The following WWOX variants were observed in gnomAD, a reference collection of about 807,000 sequenced individuals.
WWOX encodes the protein WW domain-containing oxidoreductase.
Under a neutral mutation model 46.2 loss-of-function variants are expected in WWOX, and 69 were observed. The observed-to-expected ratio is 1.49, with a 90% CI of 1.23 to 1.82. The LOEUF (loss-of-function observed/expected upper bound fraction) is 1.82. Among genes scored for constraint, WWOX ranks in the 40% most tolerant of loss-of-function variants. The pLI, the probability that WWOX is intolerant of heterozygous loss-of-function variation, is 0.00. For synonymous variants in WWOX, 359 were observed against 202.6 expected (o/e 1.77, Z -6.56); for missense variants, 919 against 542.6 (o/e 1.69, Z -6.89).
intron 8 of WWOX, among the ~76,000 whole-genome samples, chr16:78,534,718 C>T (rs2738500): frequency 0.64 from 95,733 of 150,096 alleles, 30,867 homozygotes; most frequent in Admixed American, 0.73. Context: ...TTTTTTATTT[C>T]ATTTTATTTT....
chr16:78,675,260 T>A (rs1355938494), intron 8 of WWOX, among the ~76,000 whole-genome samples: 1 of 151,600 alleles, frequency 6.6e-6, no homozygotes, highest in Non-Finnish European at 1.5e-5. Flanking sequence ...GAAGCTGGGG[T>A]TTTAATTCAG....
At chr16:78,508,953 C>T (rs964348841) in intron 8 of WWOX, among the ~76,000 whole-genome samples, 1 of 152,202 alleles carries the variant, frequency 6.6e-6, no homozygotes, top group East Asian at 1.9e-4. Context: ...CAAAAGTATC[C>T]TCTCTAGGCA....
intron 5 of WWOX, among the ~76,000 whole-genome samples, chr16:78,299,026 C>T (rs948941974): frequency 2.0e-5 from 3 of 152,106 alleles, no homozygotes; most frequent in Non-Finnish European, 4.4e-5. Flanking sequence ...GGGTTGCAGC[C>T]AGCATTCTGG....
chr16:78,623,405 C>G (rs1041987865), intron 8 of WWOX, among the ~76,000 whole-genome samples: 10 of 152,114 alleles, frequency 6.6e-5, no homozygotes, highest in African/African-American at 2.4e-4. Context: ...TTTGGCCAGA[C>G]ACGGTGGCTC....
chr16:79,072,880 T>G (rs1030351652), intron 8 of WWOX, among the ~76,000 whole-genome samples: 2 of 152,200 alleles, frequency 1.3e-5, no homozygotes, highest in African/African-American at 2.4e-5. Context: ...CTGGCCTGAA[T>G]TTGGGCTGAG....
At chr16:78,675,532 A>G (rs376844916) in intron 8 of WWOX, among the ~76,000 whole-genome samples, 1 of 152,138 alleles carries the variant, frequency 6.6e-6, no homozygotes, top group Admixed American at 6.5e-5. Flanking sequence ...CCATTTCACA[A>G]ATATTTATTT....
intron 8 of WWOX, among the ~76,000 whole-genome samples, chr16:78,545,557 C>T (rs1233030146): frequency 2.0e-5 from 3 of 152,078 alleles, no homozygotes; most frequent in Admixed American, 1.3e-4. Context: ...TTATTTCCTT[C>T]AGATAAAATG....
intron 8 of WWOX, among the ~76,000 whole-genome samples, chr16:79,169,446 C>T (rs2050658489): frequency 6.6e-6 from 1 of 152,186 alleles, no homozygotes; most frequent in Admixed American, 6.5e-5. Context: ...CAGAGGGTCT[C>T]ACTGAGCACT....
At chr16:78,671,330 T>C (rs530452916) in intron 8 of WWOX, among the ~76,000 whole-genome samples, 1 of 152,228 alleles carries the variant, frequency 6.6e-6, no homozygotes, top group East Asian at 1.9e-4. Context: ...GAGGCTGGGA[T>C]GGAAGCATCA....
At chr16:78,256,791 C>A (rs966887419) in intron 5 of WWOX, among the ~76,000 whole-genome samples, 8 of 152,000 alleles carry the variant, frequency 5.3e-5, no homozygotes, top group Non-Finnish European at 1.0e-4. Flanking sequence ...TCAGACGCCC[C>A]CCTTTAGAAT....
intron 8 of WWOX, among the ~76,000 whole-genome samples, chr16:78,866,920 C>G (rs1253325151): frequency 6.6e-6 from 1 of 152,218 alleles, no homozygotes; most frequent in East Asian, 1.9e-4. Flanking sequence ...TTTCTTTGGT[C>G]TGAAGCTTCA....
intron 5 of WWOX, among the ~76,000 whole-genome samples, chr16:78,205,335 C>A (rs571248977): frequency 6.6e-6 from 1 of 152,144 alleles, no homozygotes; most frequent in Non-Finnish European, 1.5e-5. Context: ...AAAAACTCCA[C>A]GTATCCATAT....
In WWOX at chr16:78,629,409, C is replaced by T. The variant is rs574395945; in HGVS notation, c.1056+196657C>T. On this transcript the variant is annotated intron_variant, in intron 8 of 8. Coordinates refer to ENST00000566780, the MANE Select transcript of WWOX (RefSeq NM_016373.4). Reference sequence around the variant, plus strand: ...GATTTCTCACTGGCATCTCTGCTTCCCCTCTTGACTCTCTTGAAATCCCTT... The same window carrying T: ...GATTTCTCACTGGCATCTCTGCTTCTCCTCTTGACTCTCTTGAAATCCCTT... Among the ~76,000 whole-genome samples, 80 of 152,220 alleles carry T rather than the reference C, an allele frequency of 5.3e-4. 1 individual carries two copies. The South Asian group carries it at 0.015, about 28-fold the overall frequency.
intron 8 of WWOX, among the ~76,000 whole-genome samples, chr16:78,690,571 GA>G (rs899029983): frequency 3.3e-5 from 5 of 152,008 alleles, no homozygotes; most frequent in African/African-American, 1.2e-4. Flanking sequence ...AAAAGAAGAA[GA>G]AATGTTTATT....
intron 5 of WWOX, among the ~76,000 whole-genome samples, chr16:78,317,232 A>C (rs1376541698): frequency 6.6e-6 from 1 of 152,162 alleles, no homozygotes; most frequent in East Asian, 1.9e-4. Context: ...GGGGTGAACA[A>C]CTGCAGGAAC....
At chr16:79,093,807 C>G (rs1227143477) in intron 8 of WWOX, among the ~76,000 whole-genome samples, 1 of 152,186 alleles carries the variant, frequency 6.6e-6, no homozygotes, top group Non-Finnish European at 1.5e-5. Context: ...CCCTGCCCTT[C>G]GACACAGAGT....
At chr16:78,189,847 GT>G (rs1336131637) in intron 5 of WWOX, among the ~76,000 whole-genome samples, 5 of 152,048 alleles carry the variant, frequency 3.3e-5, no homozygotes, top group Admixed American at 1.3e-4. Context: ...TAGAGACGAG[GT>G]TTCACCATGT....
chr16:78,701,507 A>G (rs1010370424), intron 8 of WWOX, among the ~76,000 whole-genome samples: 19 of 151,400 alleles, frequency 1.3e-4, no homozygotes, highest in African/African-American at 3.2e-4. Context: ...CTCTACCTCT[A>G]TCTCTTCTAT....
At chr16:78,597,925 G>A (rs2045529538) in intron 8 of WWOX, among the ~76,000 whole-genome samples, 2 of 151,868 alleles carry the variant, frequency 1.3e-5, no homozygotes, top group South Asian at 2.1e-4. Context: ...TAAAACTACT[G>A]AGTTATGTTT....
Sources: allele counts gnomAD v4.1 joint callset (sites outside exome capture counted in the v4.1 genomes callset), GRCh38; gene constraint gnomAD v4.1.1; transcripts MANE v1.5; gene names NCBI Gene and HGNC (gene_info 2026-07-23, HGNC 2026-07-21).